The following PLXNA2 variants were observed in gnomAD, a reference collection of about 807,000 sequenced individuals.
PLXNA2 encodes plexin A2.
In PLXNA2, 91 loss-of-function variants were observed where a neutral mutation model predicts 193.5. The ratio of observed to expected loss-of-function variants is 0.47; its 90% confidence interval spans 0.40 to 0.56. The LOEUF (loss-of-function observed/expected upper bound fraction) is 0.56. Among genes scored for constraint, PLXNA2 ranks in the 20% least tolerant of loss-of-function variants. PLXNA2 has a pLI of 0.00. For synonymous variants in PLXNA2, 997 were observed against 1,027.3 expected (o/e 0.97, Z 0.56); for missense variants, 1,995 against 2,503.2 (o/e 0.80, Z 4.33).
intron 4 of PLXNA2, among the ~76,000 whole-genome samples, chr1:208,128,929 TC>T (rs1668058197): frequency 6.6e-6 from 1 of 152,102 alleles, no homozygotes; most frequent in South Asian, 2.1e-4. Flanking sequence ...TCTCCTGACC[TC>T]GTGATCCACC....
intron 3 of PLXNA2, among the ~76,000 whole-genome samples, chr1:208,190,502 C>T (rs2102563319): frequency 6.6e-6 from 1 of 152,312 alleles, no homozygotes; most frequent in East Asian, 1.9e-4. Flanking sequence ...ATGGTTGACG[C>T]TCCAGAAATG....
chr1:208,110,360 G>A (rs1667425211), intron 4 of PLXNA2, among the ~76,000 whole-genome samples: 1 of 152,250 alleles, frequency 6.6e-6, no homozygotes, highest in Admixed American at 6.5e-5. Flanking sequence ...GCAGGTGAGG[G>A]AGGCAGCAAG....
At chr1:208,168,459 T>C (rs1299623686) in intron 3 of PLXNA2, among the ~76,000 whole-genome samples, 4 of 152,176 alleles carry the variant, frequency 2.6e-5, no homozygotes, top group Non-Finnish European at 5.9e-5. Flanking sequence ...GCTCAGGAAA[T>C]ATTTACTGAA....
chr1:208,091,885 A>G (rs902175353), intron 9 of PLXNA2, among the ~76,000 whole-genome samples: 3 of 150,490 alleles, frequency 2.0e-5, no homozygotes, highest in African/African-American at 7.3e-5. Flanking sequence ...AAAAAAAAAG[A>G]CTGTAGTTGT....
intron 28 of PLXNA2, chr1:208,032,164 AC>A: frequency 1.0e-6 from 1 of 984,834 alleles, no homozygotes; most frequent in Non-Finnish European, 1.2e-6. Flanking sequence ...GCACAGCAGG[AC>A]CAGGAGAGTC....
intron 13 of PLXNA2, among the ~76,000 whole-genome samples, chr1:208,055,603 G>T (rs1245879768): frequency 6.6e-6 from 1 of 152,088 alleles, no homozygotes; most frequent in African/African-American, 2.4e-5. Context: ...TTTGCTTAGT[G>T]GGGAGTCAGA....
chr1:208,079,198 CCCA>C, intron 12 of PLXNA2, 59 bp downstream of exon 12: 1 of 1,413,278 alleles, frequency 7.1e-7, no homozygotes, highest in Non-Finnish European at 9.8e-7. Context: ...GCACTCCTCT[CCCA>C]CTGTCTTGGG....
At chr1:208,051,898 G>C (rs765187366) in intron 15 of PLXNA2, among the ~76,000 whole-genome samples, 1 of 152,092 alleles carries the variant, frequency 6.6e-6, no homozygotes, top group Admixed American at 6.5e-5. Context: ...ACATCTTCAG[G>C]GCTAGGGGAG....
chr1:208,100,208 T>TA (rs895311908), intron 5 of PLXNA2, among the ~76,000 whole-genome samples: 14 of 147,904 alleles, frequency 9.5e-5, no homozygotes, highest in Admixed American at 1.3e-4. Flanking sequence ...GACCCCATTC[T>TA]AAAAAAAAAA....
Position 208,039,002 on chromosome 1 carries a change from A to G in PLXNA2, c.4501-18T>C. ...TTCAGGATCTACAAGTAGGGGACAG[A>G]GGGTGAGCAGGACAGGAGTTGAAGG... On this transcript the variant is annotated intron_variant, in intron 24 of 31. Transcript: ENST00000367033. The G allele has an allele frequency of 6.2e-7, 1 of 1,611,164 alleles. No individual in the cohort carries two copies. The highest frequency in any genetic ancestry group is 8.5e-7 in the Non-Finnish European group (1 of 1,177,924).
At chr1:208,243,070 T>C (rs1356743856) in intron 1 of PLXNA2, among the ~76,000 whole-genome samples, 1 of 152,122 alleles carries the variant, frequency 6.6e-6, no homozygotes, top group African/African-American at 2.4e-5. Context: ...ACCCATTCAG[T>C]GCCTAGGAAT....
At chr1:208,229,233 G>A (rs1671610452) in intron 1 of PLXNA2, among the ~76,000 whole-genome samples, 1 of 152,154 alleles carries the variant, frequency 6.6e-6, no homozygotes, top group African/African-American at 2.4e-5. Context: ...TGGAGGTGGA[G>A]AGGCTAGAAT....
At chr1:208,087,573 C>T (rs1666571638) in intron 9 of PLXNA2, among the ~76,000 whole-genome samples, 1 of 152,158 alleles carries the variant, frequency 6.6e-6, no homozygotes, top group Non-Finnish European at 1.5e-5. Flanking sequence ...CTTTATTTGG[C>T]AATTGCTCTC....
rs527839537 is a variant in PLXNA2 at position 208,163,765 on chromosome 1, G to A, written c.1372-21302C>T. 2.0e-5 allele frequency among the ~76,000 whole-genome samples: 3 copies of A among 152,320 alleles called. No individual in the cohort carries two copies. In the East Asian group the frequency reaches 5.8e-4, roughly 29 times the overall value. On this transcript the variant is annotated intron_variant, in intron 3 of 31. Transcript: ENST00000367033. ...AGCCATGTAATAAGCAGTTATTTGT[G>A]CAACAACTTGCTGGTGTCCTTTCTC...
At chr1:208,111,068 T>A (rs569186002) in intron 4 of PLXNA2, among the ~76,000 whole-genome samples, 3 of 152,170 alleles carry the variant, frequency 2.0e-5, no homozygotes, top group African/African-American at 7.2e-5. Context: ...GATTTTTTTT[T>A]AAACGACAGT....
At chr1:208,047,023 C>A (rs148102339) in intron 17 of PLXNA2, among the ~76,000 whole-genome samples, 1 of 152,032 alleles carries the variant, frequency 6.6e-6, no homozygotes, top group South Asian at 2.1e-4. Context: ...TGCAGTGGTG[C>A]GATCTCAGCT....
chr1:208,170,658 A>G (rs1458159707), intron 3 of PLXNA2, among the ~76,000 whole-genome samples: 2 of 152,180 alleles, frequency 1.3e-5, no homozygotes, highest in Non-Finnish European at 2.9e-5. Context: ...TGATTTCATG[A>G]CCCCAGTGTT....
intron 2 of PLXNA2, among the ~76,000 whole-genome samples, chr1:208,212,398 G>A (rs1670991858): frequency 6.6e-6 from 1 of 152,188 alleles, no homozygotes; most frequent in Non-Finnish European, 1.5e-5. Context: ...TAGGAATGAT[G>A]GTGCTGCACT....
chr1:208,038,806 C>T lies in PLXNA2; in HGVS notation c.4660+19G>A. 1 of 1,610,766 alleles carries T rather than the reference C, an allele frequency of 6.2e-7. No individual in the cohort carries two copies. Among genetic ancestry groups the T allele is most frequent in the Non-Finnish European group, 8.5e-7 (1 of 1,177,708 alleles). Reference sequence around the variant, plus strand: ...ACCTCTCAACCCCTGCCCTCACACTCTGAGTCCAGGTTTCCTACCCAAGTC... The same window carrying T: ...ACCTCTCAACCCCTGCCCTCACACTTTGAGTCCAGGTTTCCTACCCAAGTC... On this transcript the variant is annotated intron_variant, in intron 25 of 31. Coordinates refer to ENST00000367033, the MANE Select transcript of PLXNA2 (RefSeq NM_025179.4). The surrounding 1 kb of genome is among the most constrained non-coding windows in gnomAD (Gnocchi z 4.1).
Sources: allele counts gnomAD v4.1 joint callset (sites outside exome capture counted in the v4.1 genomes callset), GRCh38; gene constraint gnomAD v4.1.1; non-coding constraint Gnocchi (gnomAD v3.1); transcripts MANE v1.5; gene names NCBI Gene and HGNC (gene_info 2026-07-23, HGNC 2026-07-21).